TSGA10: variants seen among roughly 807,000 people sequenced by gnomAD.
The protein encoded by TSGA10 is testis-specific gene 10 protein.
Under a neutral mutation model 96.6 loss-of-function variants are expected in TSGA10, and 43 were observed. The observed-to-expected ratio is 0.44, with a 90% CI of 0.35 to 0.57. The LOEUF (loss-of-function observed/expected upper bound fraction) is 0.57. Among genes scored for constraint, TSGA10 ranks in the 20% least tolerant of loss-of-function variants. The probability of loss-of-function intolerance (pLI) is 0.01; values close to 1 mark genes in which losing one functional copy is unlikely to be tolerated. For synonymous variants in TSGA10, 229 were observed against 269.9 expected, an observed-to-expected ratio of 0.85 and a Z score of 1.48; for missense variants, 703 against 834.4, an observed-to-expected ratio of 0.84 and a Z score of 1.94.
At chr2:99,107,654 G>A (rs555427473) in intron 7 of TSGA10, among the ~76,000 whole-genome samples, 5 of 152,232 alleles carry the variant, frequency 3.3e-5, no homozygotes, top group Non-Finnish European at 7.4e-5. Context: ...TATCAAAAGA[G>A]TATTTTAAAA....
At chr2:99,149,521 C>A (rs374746375) in intron 1 of TSGA10, among the ~76,000 whole-genome samples, 254 of 150,254 alleles carry the variant, frequency 1.7e-3, no homozygotes, top group Middle Eastern at 6.9e-3. Context: ...CGGCTCACTG[C>A]AACCTCAGCC....
At chr2:99,097,404 CAGTA>C (rs1305104810) in intron 10 of TSGA10, among the ~76,000 whole-genome samples, 1 of 151,946 alleles carries the variant, frequency 6.6e-6, no homozygotes, top group African/African-American at 2.4e-5. Flanking sequence ...GAGCAAACAA[CAGTA>C]AGTGTTTTAT....
intron 16 of TSGA10, among the ~76,000 whole-genome samples, chr2:99,043,986 A>G (rs1370753635): frequency 1.3e-5 from 2 of 152,206 alleles, no homozygotes; most frequent in African/African-American, 4.8e-5. Flanking sequence ...ATGCTGGGAC[A>G]TTTTGTTACC....
chr2:99,138,266 C>T (rs1270744441), intron 1 of TSGA10, among the ~76,000 whole-genome samples: 1 of 152,160 alleles, frequency 6.6e-6, no homozygotes, highest in Non-Finnish European at 1.5e-5. Flanking sequence ...TCTTCCCTGA[C>T]TTCTTACCTA....
chr2:99,046,892 T>C (rs1228840784), intron 16 of TSGA10, among the ~76,000 whole-genome samples: 1 of 151,906 alleles, frequency 6.6e-6, no homozygotes, highest in East Asian at 1.9e-4. Context: ...AAAGGGGATA[T>C]CACCACTGAT....
intron 6 of TSGA10, 47 bp from the exon 7 acceptor site, chr2:99,109,038 G>T: frequency 7.3e-7 from 1 of 1,370,016 alleles, no homozygotes; most frequent in South Asian, 1.7e-5. Context: ...ATATAGTACT[G>T]ATAGAAAGGT....
chr2:99,101,576 A>G (rs2090737544), intron 10 of TSGA10, among the ~76,000 whole-genome samples: 1 of 152,112 alleles, frequency 6.6e-6, no homozygotes, highest in Admixed American at 6.5e-5. Context: ...GATAAAAAAG[A>G]AAAAAGAGTA....
At chr2:99,027,889 T>C (rs2080775979) in intron 17 of TSGA10, among the ~76,000 whole-genome samples, 1 of 152,346 alleles carries the variant, frequency 6.6e-6, no homozygotes. Flanking sequence ...AAATAATATA[T>C]TGTAGCATCT....
At chr2:99,056,952 T>C (rs934503172) in intron 16 of TSGA10, among the ~76,000 whole-genome samples, 8 of 151,776 alleles carry the variant, frequency 5.3e-5, no homozygotes, top group African/African-American at 9.7e-5. Flanking sequence ...ATATACTATA[T>C]CTATAAAATA....
At chr2:99,057,759 A>G (rs1181606207) in intron 16 of TSGA10, among the ~76,000 whole-genome samples, 1 of 152,180 alleles carries the variant, frequency 6.6e-6, no homozygotes, top group Non-Finnish European at 1.5e-5. Context: ...TAAAATTTAT[A>G]TGAAAATTCA....
chr2:99,067,069 C>T (rs2085339713), intron 15 of TSGA10, among the ~76,000 whole-genome samples: 2 of 152,140 alleles, frequency 1.3e-5, no homozygotes, highest in Non-Finnish European at 2.9e-5. Flanking sequence ...CAAAGAAGGT[C>T]TTTCTTACCT....
chr2:99,134,596 A>G (rs1406441693), intron 1 of TSGA10, among the ~76,000 whole-genome samples: 2 of 152,064 alleles, frequency 1.3e-5, no homozygotes, highest in Non-Finnish European at 2.9e-5. Flanking sequence ...TGTCAAACTC[A>G]TTCTCTGTCC....
chr2:99,029,156 C>A (rs1442879061), intron 17 of TSGA10, among the ~76,000 whole-genome samples: 1 of 152,132 alleles, frequency 6.6e-6, no homozygotes, highest in Non-Finnish European at 1.5e-5. Context: ...AAGGTGATGA[C>A]TACATTTTTA....
chr2:99,140,657 G>A (rs892702279), intron 1 of TSGA10, among the ~76,000 whole-genome samples: 1 of 152,092 alleles, frequency 6.6e-6, no homozygotes, highest in Non-Finnish European at 1.5e-5. Flanking sequence ...AAATGCCTAT[G>A]TAATCTCAGC....
At chr2:99,095,286 A>G (rs2104720843) in intron 10 of TSGA10, among the ~76,000 whole-genome samples, 1 of 152,236 alleles carries the variant, frequency 6.6e-6, no homozygotes, top group Middle Eastern at 3.4e-3. Context: ...AAGACTATAA[A>G]TTGGGTACAG....
intron 20 of TSGA10, among the ~76,000 whole-genome samples, chr2:99,007,133 G>A (rs1392082353): frequency 6.6e-6 from 1 of 151,870 alleles, no homozygotes. Flanking sequence ...CATACACTGG[G>A]GCCTGTTGTG....
rs182444329 is a variant in TSGA10 at position 99,078,005 on chromosome 2, C to T, written c.882+654G>A. The stretch of plus-strand genomic sequence containing the variant: ...GTGCTCCTAGGGCAGGGTGCAGCGG[C>T]TTATGCCTGTAATCCCAGCACTTTG... On this transcript the variant is annotated intron_variant, in intron 12 of 20. Coordinates refer to ENST00000393483, the MANE Select transcript of TSGA10 (RefSeq NM_025244.4). Among the ~76,000 whole-genome samples the T allele has an allele frequency of 1.9e-3, 281 of 151,880 alleles. 4 individuals are homozygous for T. Among genetic ancestry groups the T allele is most frequent in the African/African-American group, 6.5e-3 (271 of 41,452 alleles).
intron 16 of TSGA10, among the ~76,000 whole-genome samples, chr2:99,038,450 G>A (rs1391094674): frequency 6.6e-6 from 1 of 152,020 alleles, no homozygotes; most frequent in Non-Finnish European, 1.5e-5. Context: ...TTAAGTAAAG[G>A]GGTGGAAAAA....
chr2:99,053,353 C>CA (rs199505766), intron 16 of TSGA10, among the ~76,000 whole-genome samples: 12,270 of 116,516 alleles, frequency 0.11, 890 homozygotes, highest in East Asian at 0.24. Context: ...CAAAAATTTC[C>CA]AAAAAAAAAA....
Sources: gnomAD v4.1 joint callset for allele counts (sites outside exome capture counted in the v4.1 genomes callset) on GRCh38, gnomAD v4.1.1 for gene constraint, MANE v1.5 for transcripts, NCBI Gene and HGNC (gene_info 2026-07-23, HGNC 2026-07-21) for gene names.